UBE2V2: variants seen among roughly 807,000 people sequenced by gnomAD.
The protein encoded by UBE2V2 is ubiquitin conjugating enzyme E2 V2.
Under a neutral mutation model 17.2 loss-of-function variants are expected in UBE2V2, and 9 were observed. The ratio of observed to expected loss-of-function variants is 0.52; its 90% CI spans 0.32 to 0.91. The LOEUF is 0.91. Among genes scored for constraint, UBE2V2 ranks in the 40% least tolerant of loss-of-function variants. UBE2V2 has a pLI of 0.04. For synonymous variants in UBE2V2, 61 were observed against 57.5 expected (o/e 1.06, Z -0.28); for missense variants, 133 against 182.6 (o/e 0.73, Z 1.56).
At chr8:48,009,101 T>TTC (rs2091208075) in intron 1 of UBE2V2, among the ~76,000 whole-genome samples, 1 of 152,202 alleles carries the variant, frequency 6.6e-6, no homozygotes, top group Non-Finnish European at 1.5e-5. Flanking sequence ...AGATAAGCTG[T>TTC]TCAACTCCTC....
At position 48,062,418 on chromosome 8, in the gene UBE2V2, C is replaced by A. The variant is rs919303133; in HGVS notation, c.*1590C>A. The A allele has an allele frequency of 1.3e-5, 2 of 151,780 alleles. No homozygotes were observed. Among genetic ancestry groups the A allele is most frequent in the Admixed American group, 1.3e-4 (2 of 15,212 alleles). The allele number at this position is 151,780 out of a possible 1,614,324, so 9.4% of individuals were successfully genotyped here. On this transcript the variant is annotated 3_prime_UTR_variant, in exon 4 of 4. Transcript: ENST00000523111. ...ACCAGCCTGGCCAACATGATGAAAC[C>A]CTGTCTCTACTAAAAATACAAAAAA...
chr8:48,007,448 C>T (rs899591121), upstream of UBE2V2, among the ~76,000 whole-genome samples: 1 of 151,394 alleles, frequency 6.6e-6, no homozygotes, highest in African/African-American at 2.4e-5. Context: ...AAATCACAAG[C>T]ATTCCTATAC....
At chr8:47,999,364 T>TC in the UBE2V2 span, among the ~76,000 whole-genome samples, 1 of 147,320 alleles carries the variant, frequency 6.8e-6, no homozygotes, top group African/African-American at 2.5e-5. Flanking sequence ...GACTTCCCCT[T>TC]TTTTTTTTTT....
At chr8:48,020,817 G>T (rs10958438) in intron 1 of UBE2V2, among the ~76,000 whole-genome samples, 34,133 of 151,838 alleles carry the variant, frequency 0.22, 7,461 homozygotes, top group African/African-American at 0.56. Context: ...TTGCGCAAGC[G>T]GGTTTGAACT....
chr8:48,012,107 G>A (rs11777773), intron 1 of UBE2V2, among the ~76,000 whole-genome samples: 5 of 152,096 alleles, frequency 3.3e-5, no homozygotes, highest in Non-Finnish European at 7.4e-5. Context: ...AGTCTGATGC[G>A]CTCTCCATTA....
intron 1 of UBE2V2, among the ~76,000 whole-genome samples, chr8:48,041,134 G>A (rs1211600946): frequency 6.7e-6 from 1 of 149,910 alleles, no homozygotes; most frequent in Non-Finnish European, 1.5e-5. Context: ...AAAGTGCTGG[G>A]ATTACAGGCG....
intron 1 of UBE2V2, among the ~76,000 whole-genome samples, chr8:48,034,431 C>T (rs1466436918): frequency 1.3e-5 from 2 of 152,046 alleles, no homozygotes; most frequent in Non-Finnish European, 2.9e-5. Flanking sequence ...GCCCTGTTTT[C>T]TTTTTTTAAA....
intron 1 of UBE2V2, among the ~76,000 whole-genome samples, chr8:48,021,236 C>G (rs1341534330): frequency 6.6e-6 from 1 of 151,668 alleles, no homozygotes; most frequent in East Asian, 1.9e-4. Context: ...CGCCACCACG[C>G]CCAGCTAATT....
At chr8:48,046,534 G>A (rs1214336073) in intron 2 of UBE2V2, among the ~76,000 whole-genome samples, 2 of 152,234 alleles carry the variant, frequency 1.3e-5, no homozygotes, top group Admixed American at 6.5e-5. Context: ...GATTACAGGC[G>A]TGAGCCGCCG....
At chr8:48,037,982 C>A (rs527977343) in intron 1 of UBE2V2, among the ~76,000 whole-genome samples, 1 of 152,182 alleles carries the variant, frequency 6.6e-6, no homozygotes, top group African/African-American at 2.4e-5. Context: ...GGTGCCCTTC[C>A]AGGCCATTTC....
intron 1 of UBE2V2, among the ~76,000 whole-genome samples, chr8:48,022,436 T>C (rs955991754): frequency 8.5e-5 from 13 of 152,230 alleles, no homozygotes; most frequent in African/African-American, 3.1e-4. Flanking sequence ...ACGCCCAGCC[T>C]GCATCTTTTT....
upstream of UBE2V2, among the ~76,000 whole-genome samples, chr8:48,004,844 T>C (rs2154506422): frequency 1.3e-5 from 2 of 152,092 alleles, no homozygotes; most frequent in Admixed American, 1.3e-4. Flanking sequence ...CATTTTTTTT[T>C]TTAAGACAGT....
chr8:48,035,960 T>G (rs1384977195), intron 1 of UBE2V2, among the ~76,000 whole-genome samples: 1 of 131,050 alleles, frequency 7.6e-6, no homozygotes, highest in Non-Finnish European at 1.8e-5. Flanking sequence ...TTTTTTTTTT[T>G]TTTTTTTTGA....
chr8:48,052,841 T>C (rs1322300163), intron 3 of UBE2V2, among the ~76,000 whole-genome samples: 1 of 152,214 alleles, frequency 6.6e-6, no homozygotes, highest in Non-Finnish European at 1.5e-5. Flanking sequence ...ACCTTTGCAC[T>C]TCTGTTCTTC....
the UBE2V2 span, among the ~76,000 whole-genome samples, chr8:47,997,817 G>T: frequency 6.6e-6 from 1 of 151,876 alleles, no homozygotes; most frequent in African/African-American, 2.4e-5. Flanking sequence ...CGGAGGTAGA[G>T]CCGGAGTGGA....
At chr8:48,011,964 G>T (rs988801690) in intron 1 of UBE2V2, among the ~76,000 whole-genome samples, 1 of 152,182 alleles carries the variant, frequency 6.6e-6, no homozygotes, top group Non-Finnish European at 1.5e-5. Flanking sequence ...AGACTTCTAA[G>T]CAGAAACATT....
intron 1 of UBE2V2, among the ~76,000 whole-genome samples, chr8:48,014,088 C>G (rs780171291): frequency 3.3e-5 from 5 of 152,124 alleles, no homozygotes; most frequent in Non-Finnish European, 7.3e-5. Flanking sequence ...CTATGGTAGT[C>G]TAGTGTATTT....
At chr8:48,016,762 G>A (rs1273451911) in intron 1 of UBE2V2, among the ~76,000 whole-genome samples, 7 of 149,946 alleles carry the variant, frequency 4.7e-5, no homozygotes, top group South Asian at 2.1e-4. Context: ...GATTACAGGC[G>A]TGAGCCGCCG....
chr8:48,017,915 C>T (rs532513677), intron 1 of UBE2V2, among the ~76,000 whole-genome samples: 6 of 150,628 alleles, frequency 4.0e-5, no homozygotes, highest in South Asian at 4.2e-4. Context: ...GGCATAGTCA[C>T]GGCTCGCTGC....
Sources: gnomAD v4.1 joint callset for allele counts (sites outside exome capture counted in the v4.1 genomes callset) on GRCh38, gnomAD v4.1.1 for gene constraint, MANE v1.5 for transcripts, NCBI Gene and HGNC (gene_info 2026-07-23, HGNC 2026-07-21) for gene names.